The following MYCBP2 variants were observed in gnomAD, a reference collection of about 807,000 sequenced individuals.
MYCBP2 encodes MYC binding protein 2, also known as E3 ubiquitin-protein ligase MYCBP2.
In MYCBP2, 120 loss-of-function variants were observed where a neutral mutation model predicts 525.3. The ratio of observed to expected loss-of-function variants is 0.23; its 90% CI spans 0.20 to 0.27. MYCBP2 has a LOEUF of 0.27. MYCBP2 is among the 10% of genes least tolerant of loss of function. The probability of loss-of-function intolerance (pLI) is 1.00; values close to 1 mark genes in which losing one functional copy is unlikely to be tolerated. For synonymous variants in MYCBP2, 1,894 were observed against 1,955.8 expected, an observed-to-expected ratio of 0.97 and a Z score of 0.83; for missense variants, 4,149 against 5,657.1, an observed-to-expected ratio of 0.73 and a Z score of 8.55.
chr13:77,142,785 C>A (rs2054897337), intron 49 of MYCBP2, among the ~76,000 whole-genome samples: 1 of 152,124 alleles, frequency 6.6e-6, no homozygotes, highest in African/African-American at 2.4e-5. Context: ...AAATCTAAAA[C>A]CTTTGGGTGC....
At position 77,276,816 on chromosome 13, in the gene MYCBP2, G is replaced by GTTTTTTTTTTTTTTTTT. The variant is rs397851660; in HGVS notation, c.748+1925_748+1941dup. 2.5e-4 allele frequency among the ~76,000 whole-genome samples: 19 copies of GTTTTTTTTTTTTTTTTT among 76,214 alleles called. 1 individual carries two copies. Among genetic ancestry groups the GTTTTTTTTTTTTTTTTT allele is most frequent in the African/African-American group, 1.0e-3 (18 of 17,640 alleles). 50.0% of individuals were successfully genotyped at this position (76,214 alleles called of 152,430 possible). A position where few individuals can be genotyped will look rare whatever the true frequency, so the allele number is the denominator to read the frequency against. On this transcript the variant is annotated intron_variant, in intron 4 of 82. Transcript: ENST00000544440. ...TGAGTAGCACTCATTTCCATGCCCA[G>GTTTTTTTTTTTTTTTTT]TTTTTTTTTTTTTTTTTTTTTTTGG...
At chr13:77,259,105 A>G (rs1473605305) in intron 13 of MYCBP2, among the ~76,000 whole-genome samples, 1 of 152,124 alleles carries the variant, frequency 6.6e-6, no homozygotes, top group Non-Finnish European at 1.5e-5. Context: ...AAATACAAAA[A>G]ATACAAAAAA....
rs1226237936 is a variant in MYCBP2, at chr13:77,326,560, G to C, written c.216C>G (p.Ala72=). 1.9e-6 allele frequency: 3 copies of C among 1,597,970 alleles called. No homozygotes were observed. Among genetic ancestry groups the C allele is most frequent in the Non-Finnish European group, 2.6e-6 (3 of 1,172,932 alleles). ...GHYQLLLSGR[A]LADRYRRIYT... is the part of the protein sequence containing the mutation. ...AAATCCTCCGGTAGCGGTCGGCCAG[G>C]GCCCGGCCTGACAGCAGCAGCTGGT... Residue 72 remains alanine, a synonymous_variant, in exon 1 of 83, where the codon GCC becomes GCG. Coordinates refer to ENST00000544440, the MANE Select transcript of MYCBP2 (RefSeq NM_015057.5). This position sits in a 1 kb window ranked among gnomAD's most constrained non-coding sequence, Gnocchi z 4.2.
Position 77,185,151 on chromosome 13 carries a change from A to G in MYCBP2, c.4671T>C (p.Pro1557=). ...CACAAAGGCAAGCCCACTGTAAGGCAGGAGTTGGGTAGAAAGAATGAAAGC... is the reference window on the plus strand; with the variant it reads ...CACAAAGGCAAGCCCACTGTAAGGCGGGAGTTGGGTAGAAAGAATGAAAGC... ...TACFHSFYPT[P]ALQWACLCDL... Residue 1557 remains proline (P), a synonymous_variant, in exon 32 of 83, where the codon CCT becomes CCC. Coordinates refer to ENST00000544440, the MANE Select transcript of MYCBP2 (RefSeq NM_015057.5). 6.2e-7 allele frequency: 1 copy of G among 1,614,164 alleles called. No individual in the cohort carries two copies. The highest frequency in any genetic ancestry group is 8.5e-7 in the Non-Finnish European group (1 of 1,180,008).
rs753883110 is a variant in MYCBP2, at chr13:77,166,465, C to T, written c.6204G>A (p.Leu2068=). 2.5e-6 allele frequency: 4 copies of T among 1,614,008 alleles called. No individual in the cohort carries two copies. The South Asian group carries it at 4.4e-5, about 18-fold the overall frequency. Residue 2068 remains leucine, a synonymous_variant, in exon 41 of 83, where the codon TTG becomes TTA. Transcript: ENST00000544440. ...TAQSEDVLRL[L]IPVRTVQNSG... ...AATTCTGAACAGTTCTGACAGGAAT[C>T]AACAAACGAAGGACATCTTCTGACT...
chr13:77,045,528 G>C, intron 82 of MYCBP2, 35 bp from the exon 83 acceptor site: 1 of 1,388,356 alleles, frequency 7.2e-7, no homozygotes, highest in Non-Finnish European at 1.0e-6. Context: ...GGAAAATAAT[G>C]TTTTAAGAAT....
chr13:77,146,487 CA>C (rs1163807452), intron 47 of MYCBP2, among the ~76,000 whole-genome samples: 1 of 150,454 alleles, frequency 6.6e-6, no homozygotes, highest in Admixed American at 6.6e-5. Flanking sequence ...TAAAGTTTTC[CA>C]AAACAAATAC....
chr13:77,071,546 G>C (rs1364891277), intron 68 of MYCBP2, among the ~76,000 whole-genome samples: 2 of 152,072 alleles, frequency 1.3e-5, no homozygotes, highest in South Asian at 2.1e-4. Context: ...AGAATGTTGA[G>C]ATCAGCTACC....
chr13:77,281,108 AAC>A (rs1162852176), intron 3 of MYCBP2, among the ~76,000 whole-genome samples: 7 of 152,182 alleles, frequency 4.6e-5, no homozygotes, highest in African/African-American at 1.4e-4. Flanking sequence ...TAGACTTTAA[AAC>A]AGTTTGAAGT....
chr13:77,093,167 T>C lies in MYCBP2; in HGVS notation c.10365A>G (p.Pro3455=), dbSNP rs1359364980. The C allele has an allele frequency of 1.9e-6, 3 of 1,607,182 alleles. No homozygotes were observed. The highest frequency in any genetic ancestry group is 2.2e-5 in the South Asian group (2 of 89,594). The part of the protein sequence containing the change: ...EPESNMKSMP[P]SLETSPITDT... ...CAGACAGGAGAGAACTAAAATACCTTGGTGGCATAGACTTCATATTGCTCT... is the reference window on the plus strand; with the variant it reads ...CAGACAGGAGAGAACTAAAATACCTCGGTGGCATAGACTTCATATTGCTCT... The change falls in exon 59 of 83, where the codon CCA becomes CCG. Residue 3455 remains proline, a splice_region_variant and synonymous_variant. Transcript: ENST00000544440.
At chr13:77,173,564 G>A (rs949291062) in intron 37 of MYCBP2, among the ~76,000 whole-genome samples, 4 of 152,036 alleles carry the variant, frequency 2.6e-5, no homozygotes, top group East Asian at 1.9e-4. Context: ...TACTATCTAC[G>A]TAGGCACCAT....
At chr13:77,192,585 T>C (rs1204009378) in intron 27 of MYCBP2, among the ~76,000 whole-genome samples, 2 of 152,072 alleles carry the variant, frequency 1.3e-5, no homozygotes, top group African/African-American at 2.4e-5. Context: ...AAAAAATCTG[T>C]AGAGGTATGG....
chr13:77,113,682 T>C (rs1163124095), intron 55 of MYCBP2, among the ~76,000 whole-genome samples: 2 of 152,048 alleles, frequency 1.3e-5, no homozygotes, highest in Non-Finnish European at 2.9e-5. Flanking sequence ...TAGGATGAAG[T>C]AAAGGGTGGA....
rs868616594 is a variant in MYCBP2, at chr13:77,326,519, T to C, written c.257A>G (p.Asn86Ser). 8 of 1,598,546 alleles carry C rather than the reference T, an allele frequency of 5.0e-6. No homozygotes were observed. In the African/African-American group the frequency reaches 8.2e-5, roughly 16 times the overall value. Reference sequence around the variant, plus strand: ...GCTGCCGCCCCCCTGGTCCCTGTCATTGAGCGCAGCGGTATAAATCCTCCG... The same window carrying C: ...GCTGCCGCCCCCCTGGTCCCTGTCACTGAGCGCAGCGGTATAAATCCTCCG... ...RYRRIYTAAL[N>S]DRDQGGGSAG... Residue 86 changes from asparagine (N) to serine (S), a missense_variant, in exon 1 of 83, where the codon AAT (asparagine) becomes AGT (serine). Asn to Ser is a conservative substitution (Grantham distance 46, BLOSUM62 1). Transcript: ENST00000544440. This position sits in a 1 kb window ranked among gnomAD's most constrained non-coding sequence, Gnocchi z 4.2.
chr13:77,156,337 A>G (rs191862114), intron 45 of MYCBP2, 135 bp from the exon 46 acceptor site: 45 of 792,414 alleles, frequency 5.7e-5, no homozygotes, highest in Non-Finnish European at 7.8e-5. Flanking sequence ...TTTCCAACTC[A>G]GTGATAATCA....
intron 63 of MYCBP2, among the ~76,000 whole-genome samples, chr13:77,082,699 G>T (rs950009968): frequency 1.3e-5 from 2 of 151,944 alleles, no homozygotes; most frequent in South Asian, 4.2e-4. Flanking sequence ...ACTCTATTTT[G>T]GTTTTTGTTT....
intron 59 of MYCBP2, chr13:77,092,532 C>T (rs1251371982): frequency 6.6e-6 from 1 of 152,014 alleles, no homozygotes. Flanking sequence ...TCAAGTAATT[C>T]TCCTGCCTCA....
chr13:77,056,855 T>A lies in MYCBP2; in HGVS notation c.13437+131A>T, dbSNP rs1010698551. On this transcript the variant is annotated intron_variant, in intron 79 of 82. Coordinates refer to ENST00000544440, the MANE Select transcript of MYCBP2 (RefSeq NM_015057.5). ...AGAGATTATATTCTCAGGTTCCACA[T>A]GAATGAGAAGGGAAGAAACTGCTAG... 9.2e-6 allele frequency: 6 copies of A among 653,160 alleles called. No homozygotes were observed. The South Asian group carries it at 9.5e-5, about 10-fold the overall frequency. 40.5% of individuals were successfully genotyped at this position (653,160 alleles called of 1,614,324 possible).
chr13:77,205,018 T>C (rs1286219477), intron 26 of MYCBP2, among the ~76,000 whole-genome samples: 2 of 151,770 alleles, frequency 1.3e-5, no homozygotes, highest in Non-Finnish European at 2.9e-5. Context: ...CTGCACATTG[T>C]GCACATGTAC....
Sources: allele counts gnomAD v4.1 joint callset (sites outside exome capture counted in the v4.1 genomes callset), GRCh38; gene constraint gnomAD v4.1.1; non-coding constraint Gnocchi (gnomAD v3.1); transcripts MANE v1.5; gene names NCBI Gene and HGNC (gene_info 2026-07-23, HGNC 2026-07-21).